The following DLGAP4 variants were observed in gnomAD, a reference collection of about 807,000 sequenced individuals.
DLGAP4 encodes the protein DLG associated protein 4, also known as disks large-associated protein 4.
In DLGAP4, 18 loss-of-function variants were observed where a neutral mutation model predicts 86.9. That is an observed-to-expected ratio of 0.21 (90% CI 0.14 to 0.31). The LOEUF is 0.31. DLGAP4 is among the 10% of genes least tolerant of loss of function. The pLI, the probability that DLGAP4 is intolerant of heterozygous loss-of-function variation, is 1.00. For synonymous variants in DLGAP4, 548 were observed against 574.3 expected, an observed-to-expected ratio of 0.95 and a Z score of 0.65; for missense variants, 1,085 against 1,362.6, an observed-to-expected ratio of 0.80 and a Z score of 3.21.
chr20:36,309,058 C>T (rs550583589), intron 1 of DLGAP4, among the ~76,000 whole-genome samples: 5 of 152,054 alleles, frequency 3.3e-5, no homozygotes, highest in East Asian at 3.9e-4. Context: ...GAACAGGCCA[C>T]GTTCCCTCCA....
chr20:36,401,396 C>G (rs1217773211), intron 2 of DLGAP4, among the ~76,000 whole-genome samples: 1 of 152,188 alleles, frequency 6.6e-6, no homozygotes, highest in African/African-American at 2.4e-5. Context: ...GGAGGGGGCT[C>G]TGAGCTGAGA....
intron 1 of DLGAP4, among the ~76,000 whole-genome samples, chr20:36,330,309 G>T (rs2065254838): frequency 1.3e-5 from 2 of 152,122 alleles, no homozygotes; most frequent in South Asian, 4.1e-4. Context: ...ATCGTGGTGG[G>T]GGCGGCAGGA....
At chr20:36,482,139 A>G (rs1199434177) in intron 7 of DLGAP4, among the ~76,000 whole-genome samples, 1 of 152,134 alleles carries the variant, frequency 6.6e-6, no homozygotes, top group East Asian at 1.9e-4. Flanking sequence ...CTGCCGAGGG[A>G]TCTTGGCTCC....
rs1378865566 is a variant in DLGAP4 at position 36,355,360 on chromosome 20, C to T, written c.-303-11685C>T. Reference sequence around the variant, plus strand: ...TCTTCCAGGCTGGAGTGCAGTGGCACGATCGTGGTTCACTGCAGCCTCGAC... The same window carrying T: ...TCTTCCAGGCTGGAGTGCAGTGGCATGATCGTGGTTCACTGCAGCCTCGAC... On this transcript the variant is annotated intron_variant, in intron 1 of 12. Transcript: ENST00000339266. Among the ~76,000 whole-genome samples, 5 of 150,774 alleles carry T rather than the reference C, an allele frequency of 3.3e-5. No individual in the cohort carries two copies. In the East Asian group the frequency reaches 9.8e-4, roughly 30 times the overall value.
At chr20:36,476,531 G>A (rs906286966) in intron 7 of DLGAP4, among the ~76,000 whole-genome samples, 1 of 150,608 alleles carries the variant, frequency 6.6e-6, no homozygotes, top group Non-Finnish European at 1.5e-5. Flanking sequence ...GTTTCACCAT[G>A]TTGGTCAGGC....
intron 2 of DLGAP4, among the ~76,000 whole-genome samples, chr20:36,423,778 A>G (rs535193842): frequency 6.6e-6 from 1 of 152,170 alleles, no homozygotes; most frequent in East Asian, 1.9e-4. Flanking sequence ...CCTGGCCAAC[A>G]TGGGGAAACT....
chr20:36,502,525 A>T (rs1012492048), intron 10 of DLGAP4, among the ~76,000 whole-genome samples: 5 of 147,714 alleles, frequency 3.4e-5, no homozygotes, highest in Admixed American at 2.0e-4. Flanking sequence ...TAATTTTTAA[A>T]TTTTTTTGTA....
chr20:36,452,117 T>G (rs2033751382), intron 7 of DLGAP4, among the ~76,000 whole-genome samples: 1 of 152,136 alleles, frequency 6.6e-6, no homozygotes, highest in Admixed American at 6.5e-5. Flanking sequence ...GTTGACAAAT[T>G]TATTTTCCAA....
chr20:36,522,864 TGGTGGG>T (rs755216761), intron 10 of DLGAP4, among the ~76,000 whole-genome samples: 10 of 151,208 alleles, frequency 6.6e-5, no homozygotes, highest in Non-Finnish European at 1.0e-4. Context: ...CTTTTGTGTG[TGGTGGG>T]GGTGGGGGCA....
intron 7 of DLGAP4, among the ~76,000 whole-genome samples, chr20:36,475,703 C>A (rs534890143): frequency 2.0e-5 from 3 of 152,228 alleles, no homozygotes; most frequent in African/African-American, 7.2e-5. Context: ...TAACTCAAAT[C>A]AGAAAATTTT....
intron 1 of DLGAP4, among the ~76,000 whole-genome samples, chr20:36,311,798 C>T (rs2065055696): frequency 6.6e-6 from 1 of 152,206 alleles, no homozygotes; most frequent in Non-Finnish European, 1.5e-5. Flanking sequence ...GGCTCCCTCC[C>T]CATGACAGAG....
intron 1 of DLGAP4, among the ~76,000 whole-genome samples, chr20:36,362,817 G>A (rs1292920632): frequency 6.6e-6 from 1 of 152,200 alleles, no homozygotes; most frequent in Non-Finnish European, 1.5e-5. Context: ...ACAGGCTCAG[G>A]GAATGTGCTG....
intron 7 of DLGAP4, among the ~76,000 whole-genome samples, chr20:36,470,096 C>T (rs879400828): frequency 2.6e-5 from 4 of 152,090 alleles, no homozygotes; most frequent in African/African-American, 4.8e-5. Flanking sequence ...AACTAAATCT[C>T]GGAGGAAAGG....
intron 7 of DLGAP4, chr20:36,462,702 A>T: frequency 1.4e-6 from 2 of 1,455,054 alleles, no homozygotes; most frequent in Non-Finnish European, 1.8e-6. Context: ...CGCTAGGGCA[A>T]GGGGGCTCTG....
chr20:36,501,728 T>C (rs758522944), intron 10 of DLGAP4, among the ~76,000 whole-genome samples: 2 of 152,126 alleles, frequency 1.3e-5, no homozygotes, highest in African/African-American at 2.4e-5. Flanking sequence ...CCATACATGA[T>C]GGAGGGGGCC....
chr20:36,494,946 C>G (rs2035815331), intron 7 of DLGAP4, among the ~76,000 whole-genome samples: 1 of 142,810 alleles, frequency 7.0e-6, no homozygotes, highest in Non-Finnish European at 1.5e-5. Context: ...GACCTCATCT[C>G]TACCAAAAGT....
intron 7 of DLGAP4, among the ~76,000 whole-genome samples, chr20:36,479,467 A>C (rs1395043201): frequency 6.6e-6 from 1 of 152,102 alleles, no homozygotes; most frequent in South Asian, 2.1e-4. Flanking sequence ...AGAGGTTTGT[A>C]AAAATAGTGT....
At chr20:36,348,907 C>T (rs1555893231) in intron 1 of DLGAP4, among the ~76,000 whole-genome samples, 1 of 150,200 alleles carries the variant, frequency 6.7e-6, no homozygotes, top group East Asian at 2.0e-4. Flanking sequence ...TCAAGACCAG[C>T]CTGGCCAATA....
At chr20:36,440,757 G>A (rs780811923) in intron 5 of DLGAP4, among the ~76,000 whole-genome samples, 19 of 152,086 alleles carry the variant, frequency 1.2e-4, no homozygotes, top group African/African-American at 4.3e-4. Flanking sequence ...ACCCCCCATC[G>A]TGTGGATGGG....
Sources: gnomAD v4.1 joint callset for allele counts (sites outside exome capture counted in the v4.1 genomes callset) on GRCh38, gnomAD v4.1.1 for gene constraint, MANE v1.5 for transcripts, NCBI Gene and HGNC (gene_info 2026-07-23, HGNC 2026-07-21) for gene names.